The following SV2C variants were observed in gnomAD, a reference collection of about 807,000 sequenced individuals.
SV2C encodes the protein synaptic vesicle glycoprotein 2C.
SV2C carries 49 observed loss-of-function variants against 79.7 expected under a neutral mutation model. The ratio of observed to expected loss-of-function variants is 0.61; its 90% CI spans 0.49 to 0.78. The LOEUF (loss-of-function observed/expected upper bound fraction) is 0.78. SV2C is among the 30% of genes least tolerant of loss of function. SV2C has a pLI of 0.00. For synonymous variants in SV2C, 334 were observed against 333.2 expected, an observed-to-expected ratio of 1.00 and a Z score of -0.03; for missense variants, 833 against 912.9, an observed-to-expected ratio of 0.91 and a Z score of 1.13.
intron 8 of SV2C, among the ~76,000 whole-genome samples, chr5:76,292,715 C>A (rs904796064): frequency 1.3e-5 from 2 of 152,180 alleles, no homozygotes; most frequent in African/African-American, 4.8e-5. Context: ...CATGTAATAG[C>A]AGCTCAATAA....
chr5:75,969,618 A>G, the SV2C span, among the ~76,000 whole-genome samples: 9 of 152,130 alleles, frequency 5.9e-5, no homozygotes, highest in African/African-American at 9.7e-5. Context: ...AACAAGAAGA[A>G]CTAACTATCC....
chr5:76,108,664 A>T (rs948198739), intron 1 of SV2C, among the ~76,000 whole-genome samples: 3 of 152,196 alleles, frequency 2.0e-5, no homozygotes, highest in Non-Finnish European at 4.4e-5. Flanking sequence ...CCTTAACTTC[A>T]TTTAACCTTT....
At chr5:75,918,779 G>T in the SV2C span, among the ~76,000 whole-genome samples, 46 of 152,284 alleles carry the variant, frequency 3.0e-4, no homozygotes, top group African/African-American at 1.1e-3. Flanking sequence ...ATAACAAGAG[G>T]GAAGAAGAGT....
intron 4 of SV2C, among the ~76,000 whole-genome samples, chr5:76,215,821 A>G (rs1744894724): frequency 6.6e-6 from 1 of 152,152 alleles, no homozygotes; most frequent in Admixed American, 6.5e-5. Context: ...ATTGGCATCC[A>G]CATTGCAAGT....
At chr5:76,224,020 A>G (rs779600940) in intron 4 of SV2C, among the ~76,000 whole-genome samples, 18 of 151,688 alleles carry the variant, frequency 1.2e-4, no homozygotes, top group Admixed American at 6.6e-5. Flanking sequence ...AACCTTAATT[A>G]CCTCCCAAAG....
chr5:75,975,536 C>T, the SV2C span, among the ~76,000 whole-genome samples: 3 of 152,140 alleles, frequency 2.0e-5, no homozygotes, highest in African/African-American at 7.2e-5. Flanking sequence ...ATAATGTGCA[C>T]TGGGTGTGAA....
intron 1 of SV2C, among the ~76,000 whole-genome samples, chr5:76,094,473 TG>T (rs1406753045): frequency 1.8e-4 from 27 of 152,320 alleles, no homozygotes; most frequent in African/African-American, 5.5e-4. Context: ...AAAAGATTCA[TG>T]TTTTTTTGTG....
At chr5:76,025,008 T>C in the SV2C span, among the ~76,000 whole-genome samples, 2 of 152,182 alleles carry the variant, frequency 1.3e-5, no homozygotes, top group Admixed American at 6.6e-5. Flanking sequence ...AGGCCCCCTT[T>C]CCTTACCCAG....
the SV2C span, among the ~76,000 whole-genome samples, chr5:75,976,071 G>A: frequency 3.3e-5 from 5 of 152,154 alleles, no homozygotes; most frequent in South Asian, 8.3e-4. Flanking sequence ...TTGAATGGCC[G>A]GTATAGTTAA....
intron 4 of SV2C, among the ~76,000 whole-genome samples, chr5:76,255,608 A>AT (rs762292545): frequency 3.9e-5 from 6 of 152,102 alleles, no homozygotes; most frequent in South Asian, 2.1e-4. Context: ...GCTCTATTAG[A>AT]TTTTCCCTAC....
chr5:76,082,594 TC>T (rs1747029642), upstream of SV2C, among the ~76,000 whole-genome samples: 1 of 149,708 alleles, frequency 6.7e-6, no homozygotes, highest in Non-Finnish European at 1.5e-5. Flanking sequence ...TTTCTTTCTT[TC>T]TTCCTCCTCC....
At chr5:76,074,142 G>C in the SV2C span, among the ~76,000 whole-genome samples, 2 of 152,140 alleles carry the variant, frequency 1.3e-5, no homozygotes, top group Non-Finnish European at 2.9e-5. Flanking sequence ...TGAGACACAC[G>C]AACAGGCAAA....
At chr5:76,347,361 A>G (rs1749563947) in intron 12 of SV2C, among the ~76,000 whole-genome samples, 1 of 152,200 alleles carries the variant, frequency 6.6e-6, no homozygotes, top group Admixed American at 6.5e-5. Flanking sequence ...CTGGGGAATG[A>G]GTGCCTCGAT....
intron 4 of SV2C, among the ~76,000 whole-genome samples, chr5:76,252,460 C>T (rs1189505632): frequency 1.3e-5 from 2 of 152,180 alleles, no homozygotes; most frequent in African/African-American, 2.4e-5. Context: ...TAAGAAACTC[C>T]ACATCCATAA....
chr5:75,933,449 CT>C, the SV2C span, among the ~76,000 whole-genome samples: 24 of 152,288 alleles, frequency 1.6e-4, no homozygotes, highest in South Asian at 5.0e-3. Flanking sequence ...TCAATAAATA[CT>C]GACTGAATGA....
At chr5:76,271,930 G>C (rs1007151119) in intron 4 of SV2C, among the ~76,000 whole-genome samples, 1 of 152,092 alleles carries the variant, frequency 6.6e-6, no homozygotes, top group Non-Finnish European at 1.5e-5. Flanking sequence ...CCAGAAATTA[G>C]AGCTCCCAGT....
the SV2C span, among the ~76,000 whole-genome samples, chr5:75,975,902 G>A: frequency 1.3e-5 from 2 of 152,158 alleles, no homozygotes; most frequent in Non-Finnish European, 2.9e-5. Context: ...AAAGAGAGAA[G>A]AAGCAGAGAT....
chr5:75,988,247 T>C, the SV2C span, among the ~76,000 whole-genome samples: 10 of 152,132 alleles, frequency 6.6e-5, no homozygotes, highest in African/African-American at 1.9e-4. Context: ...CATTGCCACT[T>C]GTAGTGGCTG....
intron 3 of SV2C, among the ~76,000 whole-genome samples, chr5:76,203,112 T>C (rs986054440): frequency 2.0e-5 from 3 of 152,214 alleles, no homozygotes; most frequent in Non-Finnish European, 4.4e-5. Context: ...GCAAAGGTAC[T>C]ATTGATCACA....
Sources: allele counts gnomAD v4.1 joint callset (sites outside exome capture counted in the v4.1 genomes callset), GRCh38; gene constraint gnomAD v4.1.1; transcripts MANE v1.5; gene names NCBI Gene and HGNC (gene_info 2026-07-23, HGNC 2026-07-21).